Variants in HSPA12B observed in about 807,000 individuals in gnomAD.
HSPA12B encodes heat shock 70 kDa protein 12B.
Under a neutral mutation model 69.3 loss-of-function variants are expected in HSPA12B, and 54 were observed. The observed-to-expected ratio is 0.78, with a 90% CI of 0.63 to 0.98. The LOEUF is 0.98. Ranked by LOEUF, HSPA12B falls within the 50% of genes least tolerant of loss-of-function variation. HSPA12B has a pLI of 0.00. For synonymous variants in HSPA12B, 441 were observed against 436.5 expected (o/e 1.01, Z -0.13); for missense variants, 929 against 999.8 (o/e 0.93, Z 0.96).
intron 7 of HSPA12B, among the ~76,000 whole-genome samples, chr20:3,747,825 T>C (rs2088333572): frequency 6.6e-6 from 1 of 152,186 alleles, no homozygotes; most frequent in African/African-American, 2.4e-5. Context: ...CACCCCCACA[T>C]TGTGCTAGAG....
chr20:3,748,135 G>T, intron 7 of HSPA12B, 82 bp from the exon 8 acceptor site: 1 of 1,252,668 alleles, frequency 8.0e-7, no homozygotes, highest in Non-Finnish European at 1.1e-6. Context: ...AGCCCCACAG[G>T]CCGCGGTTCC....
intron 1 of HSPA12B, among the ~76,000 whole-genome samples, chr20:3,733,043 G>T (rs1476681058): frequency 6.6e-6 from 1 of 152,236 alleles, no homozygotes; most frequent in Non-Finnish European, 1.5e-5. Context: ...AGAGGCTTAG[G>T]CTGGAGAAAC....
At chr20:3,742,155 G>A in intron 3 of HSPA12B, 129 bp from the exon 4 acceptor site, 1 of 1,379,664 alleles carries the variant, frequency 7.2e-7, no homozygotes, top group Non-Finnish European at 9.7e-7. Flanking sequence ...GGGTGGGCCA[G>A]GTCCAGGGCT....
intron 1 of HSPA12B, among the ~76,000 whole-genome samples, chr20:3,734,615 G>A (rs538356032): frequency 2.6e-5 from 4 of 152,210 alleles, no homozygotes; most frequent in South Asian, 2.1e-4. Context: ...GGCTTGTCCC[G>A]TGTTCTGTGG....
In HSPA12B at chr20:3,748,307, C is replaced by T; in HGVS notation, c.766C>T (p.His256Tyr). Residue 256 changes from histidine to tyrosine, a missense_variant, in exon 8 of 13, where the codon CAC becomes TAC. Coordinates refer to ENST00000254963, the MANE Select transcript of HSPA12B (RefSeq NM_052970.5). ...GGTATACTGCCGCAAGCTGCGCCTG[C>T]ACCAGCTCCTGGACCTGAGTGGCCG... ...ASVYCRKLRL[H>Y]QLLDLSGRAP... 1 of 1,612,050 alleles carries T rather than the reference C, an allele frequency of 6.2e-7. No individual in the cohort carries two copies. The highest frequency in any genetic ancestry group is 8.5e-7 in the Non-Finnish European group (1 of 1,179,180).
chr20:3,739,056 T>C (rs2088153682), intron 2 of HSPA12B, among the ~76,000 whole-genome samples: 1 of 152,200 alleles, frequency 6.6e-6, no homozygotes, highest in Non-Finnish European at 1.5e-5. Context: ...AGTGTATGCA[T>C]GTGCGTGTGT....
Position 3,751,681 on chromosome 20 carries a change from C to T in HSPA12B, c.1576C>T (p.Leu526=). The T allele has an allele frequency of 6.7e-7, 1 of 1,498,474 alleles. No homozygotes were observed. Among genetic ancestry groups the T allele is most frequent in the Non-Finnish European group, 8.9e-7 (1 of 1,127,854 alleles). The allele number at this position is 1,498,474 out of a possible 1,614,324, so 92.8% of individuals were successfully genotyped here. A position where few individuals can be genotyped will look rare whatever the true frequency, so the allele number is the denominator to read the frequency against. Residue 526 remains leucine (L), a synonymous_variant, in exon 13 of 13, where the codon CTG becomes TTG. Transcript: ENST00000254963. ...VGLTILKGAV[L]FGQAPGVVRV... The stretch of plus-strand genomic sequence containing the variant: ...CCTCACCATCCTCAAAGGCGCGGTG[C>T]TGTTCGGCCAGGCGCCGGGCGTGGT...
chr20:3,745,230 C>A lies in HSPA12B; in HGVS notation c.453+142C>A. The A allele has an allele frequency of 1.3e-6, 1 of 776,278 alleles. No homozygotes were observed. The highest frequency in any genetic ancestry group is 1.7e-5 in the South Asian group (1 of 57,658). The allele number at this position is 776,278 out of a possible 1,614,324, so 48.1% of individuals were successfully genotyped here. On this transcript the variant is annotated intron_variant, in intron 5 of 12. Coordinates refer to ENST00000254963, the MANE Select transcript of HSPA12B (RefSeq NM_052970.5). This position sits in a 1 kb window ranked among gnomAD's most constrained non-coding sequence, Gnocchi z 5.6. ...GAGAGGGGGCGGGGCTAAAGGGAGA[C>A]GTCGGACTCCGGTGTGGGCGGAGCT...
intron 11 of HSPA12B, among the ~76,000 whole-genome samples, chr20:3,750,507 C>A (rs1223682510): frequency 2.0e-5 from 3 of 152,126 alleles, no homozygotes; most frequent in African/African-American, 4.8e-5. Flanking sequence ...TCTACACCCC[C>A]ACCCCGGGCC....
chr20:3,746,147 G>A, intron 7 of HSPA12B, 116 bp downstream of exon 7: 1 of 719,260 alleles, frequency 1.4e-6, no homozygotes, highest in Middle Eastern at 2.9e-4. Flanking sequence ...AAGAACTTCA[G>A]CCTGCTCCTG....
chr20:3,742,080 G>A (rs2088211748), intron 3 of HSPA12B, among the ~76,000 whole-genome samples: 1 of 152,112 alleles, frequency 6.6e-6, no homozygotes, highest in South Asian at 2.1e-4. Flanking sequence ...GGCTACCTGA[G>A]AGACACGTCC....
intron 8 of HSPA12B, 44 bp downstream of exon 8, chr20:3,748,435 G>T: frequency 6.9e-7 from 1 of 1,456,784 alleles, no homozygotes; most frequent in Non-Finnish European, 9.1e-7. Flanking sequence ...GAGGGTCAGA[G>T]GGTCACTGAA....
chr20:3,742,835 A>T (rs1372482540), intron 4 of HSPA12B, among the ~76,000 whole-genome samples: 1 of 150,898 alleles, frequency 6.6e-6, no homozygotes, highest in Non-Finnish European at 1.5e-5. Flanking sequence ...GTAGCTGGGA[A>T]TACAGGTGTG....
intron 3 of HSPA12B, 140 bp from the exon 4 acceptor site, chr20:3,742,144 G>A: frequency 8.0e-7 from 1 of 1,254,676 alleles, no homozygotes; most frequent in East Asian, 2.5e-5. Context: ...GTGGGCAGGT[G>A]GGGTGGGCCA....
At chr20:3,738,841 AGT>A (rs3840072) in intron 2 of HSPA12B, 124 bp downstream of exon 2, 358,695 of 723,818 alleles carry the variant, frequency 0.5, 85,588 homozygotes, top group Non-Finnish European at 0.53. Flanking sequence ...TCTGTGAGTG[AGT>A]GTGTGTGTGT....
chr20:3,740,461 C>T lies in HSPA12B; in HGVS notation c.44-354C>T, dbSNP rs901713028. Reference sequence around the variant, plus strand: ...CTACTCCCTCCCAGGAGCTCACCTGCCCTATCTCCCCTGCCCTTCCATCTC... The same window carrying T: ...CTACTCCCTCCCAGGAGCTCACCTGTCCTATCTCCCCTGCCCTTCCATCTC... On this transcript the variant is annotated intron_variant, in intron 2 of 12. Transcript: ENST00000254963. The surrounding 1 kb of genome is among the most constrained non-coding windows in gnomAD (Gnocchi z 4.9). 1.3e-5 allele frequency among the ~76,000 whole-genome samples: 2 copies of T among 152,168 alleles called. No homozygotes were observed. Among genetic ancestry groups the T allele is most frequent in the Non-Finnish European group, 2.9e-5 (2 of 68,022 alleles).
rs11470713 is a variant in HSPA12B at position 3,737,057 on chromosome 20, A to AAAATAAATAAAT, written c.-17-1563_-17-1552dup. On this transcript the variant is annotated intron_variant, in intron 1 of 12. Transcript: ENST00000254963. This position sits in a 1 kb window ranked among gnomAD's most constrained non-coding sequence, Gnocchi z 4.1. Reference sequence around the variant, plus strand: ...GGGGACAGAGTGAGACTCTGCCTCAAAAATAAATAAATAAATAAATAAATA... The same window carrying AAAATAAATAAAT: ...GGGGACAGAGTGAGACTCTGCCTCAAAAATAAATAAATAAATAAATAAATAAATAAATAAATA... Among the ~76,000 whole-genome samples, 1 of 146,242 alleles carries AAAATAAATAAAT rather than the reference A, an allele frequency of 6.8e-6. No individual in the cohort carries two copies.
At chr20:3,743,725 G>A (rs569879824) in intron 4 of HSPA12B, among the ~76,000 whole-genome samples, 8 of 150,334 alleles carry the variant, frequency 5.3e-5, no homozygotes, top group African/African-American at 2.0e-4. Flanking sequence ...GTTTTAGGGG[G>A]GTTTTTTCCT....
At chr20:3,733,601 G>A (rs367603768) in intron 1 of HSPA12B, among the ~76,000 whole-genome samples, 5 of 152,154 alleles carry the variant, frequency 3.3e-5, no homozygotes, top group Non-Finnish European at 5.9e-5. Context: ...CTGCCCCAGC[G>A]CAGGATGGGG....
Sources: allele counts gnomAD v4.1 joint callset (sites outside exome capture counted in the v4.1 genomes callset), GRCh38; gene constraint gnomAD v4.1.1; non-coding constraint Gnocchi (gnomAD v3.1); transcripts MANE v1.5; gene names NCBI Gene and HGNC (gene_info 2026-07-23, HGNC 2026-07-21).